Variants in ABCD3 observed in about 807,000 individuals in gnomAD.
ABCD3 encodes ATP-binding cassette sub-family D member 3.
In ABCD3, 41 loss-of-function variants were observed where a neutral mutation model predicts 105.5. The observed-to-expected ratio is 0.39, with a 90% CI of 0.30 to 0.50. The LOEUF is 0.50. ABCD3 is among the 20% of genes least tolerant of loss of function. The pLI is 0.84. For missense variants in ABCD3, 622 were observed against 806.3 expected (o/e 0.77, Z 2.77); for synonymous variants, 258 against 269.0 (o/e 0.96, Z 0.40).
upstream of ABCD3, among the ~76,000 whole-genome samples, chr1:94,415,671 CA>C (rs1658986604): frequency 6.0e-5 from 8 of 133,632 alleles, no homozygotes; most frequent in Non-Finnish European, 1.3e-4. Context: ...TTTTCAGACA[CA>C]ATATTCTACA....
At chr1:94,418,822 T>C (rs1297980958) in intron 1 of ABCD3, 2 of 549,442 alleles carry the variant, frequency 3.6e-6, no homozygotes, top group Non-Finnish European at 6.4e-6. Context: ...GTGCGAATTC[T>C]TCTGTGCCCG....
chr1:94,473,438 A>G (rs372365316), intron 4 of ABCD3, among the ~76,000 whole-genome samples: 37 of 152,238 alleles, frequency 2.4e-4, no homozygotes, highest in African/African-American at 8.9e-4. Flanking sequence ...CATTCCTGGG[A>G]CTATAAAGTT....
At chr1:94,421,562 A>ATGTGTGTGTG (rs3073023) in intron 1 of ABCD3, among the ~76,000 whole-genome samples, 4,469 of 148,976 alleles carry the variant, frequency 0.03, 66 homozygotes, top group Admixed American at 0.038. Context: ...GAGCTATAAG[A>ATGTGTGTGTG]TGTGTGTGTG....
At chr1:94,509,299 C>T (rs948455221) in intron 21 of ABCD3, among the ~76,000 whole-genome samples, 4 of 152,194 alleles carry the variant, frequency 2.6e-5, no homozygotes, top group Middle Eastern at 3.4e-3. Context: ...TATTGATTTG[C>T]GTATATTGAA....
At chr1:94,509,548 G>A (rs1650550999) in intron 21 of ABCD3, among the ~76,000 whole-genome samples, 1 of 152,212 alleles carries the variant, frequency 6.6e-6, no homozygotes, top group African/African-American at 2.4e-5. Context: ...GACTGGAATA[G>A]TTTCCGAAGG....
intron 1 of ABCD3, among the ~76,000 whole-genome samples, chr1:94,419,738 G>A (rs1659183133): frequency 6.6e-6 from 1 of 152,084 alleles, no homozygotes; most frequent in Admixed American, 6.6e-5. Flanking sequence ...GCCGCCTTCT[G>A]TTTTTATCTT....
chr1:94,427,280 G>T (rs1659504804), intron 1 of ABCD3, among the ~76,000 whole-genome samples: 1 of 151,974 alleles, frequency 6.6e-6, no homozygotes, highest in Admixed American at 6.6e-5. Flanking sequence ...TATTAGCCTT[G>T]GTCTCTTACA....
At chr1:94,508,259 C>T (rs1274813025) in intron 21 of ABCD3, among the ~76,000 whole-genome samples, 2 of 152,160 alleles carry the variant, frequency 1.3e-5, no homozygotes, top group Non-Finnish European at 2.9e-5. Flanking sequence ...ATGCTTTCCC[C>T]ATTGCTTGTT....
the ABCD3 span, among the ~76,000 whole-genome samples, chr1:94,408,035 A>G: frequency 2.6e-5 from 4 of 152,228 alleles, no homozygotes; most frequent in African/African-American, 9.6e-5. Context: ...AGCCTGAAAT[A>G]TTTATTACTT....
intron 6 of ABCD3, 24 bp downstream of exon 6, chr1:94,475,264 T>G: frequency 7.7e-7 from 1 of 1,302,614 alleles, no homozygotes. Context: ...TATTTTTATA[T>G]TAAAAATATT....
intron 1 of ABCD3, among the ~76,000 whole-genome samples, chr1:94,453,323 C>CT (rs766404829): frequency 0.026 from 3,508 of 135,440 alleles, 118 homozygotes; most frequent in African/African-American, 0.065. Context: ...TTATATTTTT[C>CT]TTTTTTTTTT....
Position 94,518,141 on chromosome 1 carries a change from C to T in ABCD3, c.*1012C>T, listed in dbSNP as rs1428094019. 4 of 152,208 alleles carry T rather than the reference C, an allele frequency of 2.6e-5. No individual in the cohort carries two copies. The East Asian group carries it at 7.7e-4, about 29-fold the overall frequency. The allele number at this position is 152,208 out of a possible 1,614,324, so 9.4% of individuals were successfully genotyped here. ...TTATGTTTCCGAGGCACTGTTTTAT[C>T]TCTGTGAATCTTGAATAACTTTTTT... On this transcript the variant is annotated 3_prime_UTR_variant, in exon 23 of 23. Coordinates refer to ENST00000370214, the MANE Select transcript of ABCD3 (RefSeq NM_002858.4).
At chr1:94,461,458 CATGTGTGTGT>C (rs1378777099) in intron 2 of ABCD3, among the ~76,000 whole-genome samples, 3 of 138,840 alleles carry the variant, frequency 2.2e-5, no homozygotes, top group African/African-American at 5.0e-5. Flanking sequence ...TGTATTTTGG[CATGTGTGTGT>C]ATGTGTGTGT....
chr1:94,483,702 C>T lies in ABCD3; in HGVS notation c.897+463C>T, dbSNP rs1384556544. On this transcript the variant is annotated intron_variant, in intron 10 of 22. Coordinates refer to ENST00000370214, the MANE Select transcript of ABCD3 (RefSeq NM_002858.4). ...AACCATAAAAACCCTAGAAGAAAAC[C>T]TAGGCAATACCATTCAGGACATAGG... Among the ~76,000 whole-genome samples, 7 of 152,008 alleles carry T rather than the reference C, an allele frequency of 4.6e-5. No individual in the cohort carries two copies. In the South Asian group the frequency reaches 1.2e-3, roughly 27 times the overall value.
intron 1 of ABCD3, among the ~76,000 whole-genome samples, chr1:94,435,701 CT>C (rs1377988438): frequency 3.9e-5 from 6 of 152,286 alleles, no homozygotes; most frequent in Admixed American, 1.3e-4. Context: ...GAAACCTTTT[CT>C]TTTCTGCTAT....
At chr1:94,489,565 A>G (rs1340387153) in intron 13 of ABCD3, among the ~76,000 whole-genome samples, 160 bp from the exon 14 acceptor site, 1 of 139,948 alleles carries the variant, frequency 7.1e-6, no homozygotes, top group Non-Finnish European at 1.5e-5. Context: ...ACTGAAACAT[A>G]ATAAAGCACA....
intron 4 of ABCD3, among the ~76,000 whole-genome samples, chr1:94,469,119 C>G (rs1412351979): frequency 6.6e-6 from 1 of 152,198 alleles, no homozygotes; most frequent in Non-Finnish European, 1.5e-5. Flanking sequence ...CTCTCACTCA[C>G]AACTGTCATT....
At chr1:94,398,029 G>A in the ABCD3 span, among the ~76,000 whole-genome samples, 1 of 152,148 alleles carries the variant, frequency 6.6e-6, no homozygotes, top group East Asian at 1.9e-4. Context: ...TTCTGTGAGA[G>A]TTTTTTCTTC....
chr1:94,407,939 C>G, the ABCD3 span, among the ~76,000 whole-genome samples: 192 of 152,306 alleles, frequency 1.3e-3, no homozygotes, highest in South Asian at 4.6e-3. Flanking sequence ...ACAGCAATGC[C>G]GATTCATTTA....
Sources: gnomAD v4.1 joint callset for allele counts (sites outside exome capture counted in the v4.1 genomes callset) on GRCh38, gnomAD v4.1.1 for gene constraint, MANE v1.5 for transcripts, NCBI Gene and HGNC (gene_info 2026-07-23, HGNC 2026-07-21) for gene names.